The following CCDC90B variants were observed in gnomAD, a reference collection of about 807,000 sequenced individuals.
CCDC90B encodes the protein coiled-coil domain-containing protein 90B, mitochondrial.
A neutral mutation model predicts 37.0 loss-of-function variants in CCDC90B; 24 were observed. The ratio of observed to expected loss-of-function variants is 0.65; its 90% CI spans 0.47 to 0.91. The LOEUF (loss-of-function observed/expected upper bound fraction) is 0.91, where lower values mean the gene tolerates loss of function less well. CCDC90B is among the 40% of genes least tolerant of loss of function. The pLI is 0.00. For synonymous variants in CCDC90B, 113 were observed against 101.1 expected (o/e 1.12, Z -0.71); for missense variants, 319 against 299.0 (o/e 1.07, Z -0.49).
chr11:83,285,807 G>T (rs745591198), intron 1 of CCDC90B, 66 bp downstream of exon 1: 30 of 1,536,438 alleles, frequency 2.0e-5, no homozygotes, highest in Non-Finnish European at 2.6e-5. Context: ...TCGAGCAGGC[G>T]CGACCCCACG....
At chr11:83,269,285 G>A (rs933100070) in intron 7 of CCDC90B, among the ~76,000 whole-genome samples, 1 of 151,950 alleles carries the variant, frequency 6.6e-6, no homozygotes, top group Non-Finnish European at 1.5e-5. Context: ...TCTTTCAGAG[G>A]TAAGAGATAA....
intron 3 of CCDC90B, among the ~76,000 whole-genome samples, chr11:83,276,590 T>A (rs1214925217): frequency 1.3e-5 from 2 of 152,200 alleles, no homozygotes; most frequent in African/African-American, 4.8e-5. Context: ...CCTCAAGTGA[T>A]CTGCTCACCT....
At chr11:83,269,030 A>C (rs1310996535) in intron 7 of CCDC90B, among the ~76,000 whole-genome samples, 2 of 152,248 alleles carry the variant, frequency 1.3e-5, no homozygotes, top group African/African-American at 2.4e-5. Context: ...TACATAACGA[A>C]ATGAAGGCAG....
In CCDC90B at chr11:83,265,947, G is replaced by C. The variant is rs771051673; in HGVS notation, c.627C>G (p.Thr209=). 1.3e-5 allele frequency: 21 copies of C among 1,609,028 alleles called. No homozygotes were observed. The highest frequency in any genetic ancestry group is 1.6e-5 in the Non-Finnish European group (19 of 1,176,008). ...DTQTKSIISE[T]SNKIDAEIAS... Reference sequence around the variant, plus strand: ...CAATTTCAGCGTCAATTTTATTACTGGTCTCTGAAATAATACTTTTGGTTT... The same window carrying C: ...CAATTTCAGCGTCAATTTTATTACTCGTCTCTGAAATAATACTTTTGGTTT... Residue 209 remains threonine (T), a synonymous_variant, in exon 8 of 9, where the codon ACC becomes ACG. Transcript: ENST00000529689.
intron 1 of CCDC90B, 31 bp from the exon 2 acceptor site, chr11:83,280,291 A>G (rs372541981): frequency 6.9e-6 from 11 of 1,593,122 alleles, no homozygotes; most frequent in Admixed American, 1.7e-5. Context: ...TTTCTTTTGT[A>G]GTAACTGATA....
Position 83,279,289 on chromosome 11 carries a change from C to A in CCDC90B, c.221-460G>T, listed in dbSNP as rs570258916. Among the ~76,000 whole-genome samples the A allele has an allele frequency of 2.9e-3, 423 of 143,980 alleles. 3 individuals are homozygous for A. Among genetic ancestry groups the A allele is most frequent in the African/African-American group, 9.9e-3 (391 of 39,322 alleles). 94.5% of individuals were successfully genotyped at this position (143,980 alleles called of 152,430 possible). A position where few individuals can be genotyped will look rare whatever the true frequency, so the allele number is the denominator to read the frequency against. On this transcript the variant is annotated intron_variant, in intron 2 of 8. Coordinates refer to ENST00000529689, the MANE Select transcript of CCDC90B (RefSeq NM_021825.5). ...GAGCGAGACTCTGTCTCAAAAAAAA[C>A]AAAAAAAAAACAAACAAAAAAACAA...
chr11:83,269,115 G>A (rs989412519), intron 7 of CCDC90B, among the ~76,000 whole-genome samples: 5 of 152,220 alleles, frequency 3.3e-5, no homozygotes, highest in Non-Finnish European at 7.3e-5. Context: ...ATTTAAAACA[G>A]TGTGTAGAGG....
At chr11:83,263,928 A>G (rs1864084051) in intron 8 of CCDC90B, among the ~76,000 whole-genome samples, 1 of 152,202 alleles carries the variant, frequency 6.6e-6, no homozygotes, top group African/African-American at 2.4e-5. Flanking sequence ...CCTCAACATC[A>G]GTAGTGACTG....
In CCDC90B at chr11:83,260,372, T is replaced by C. The variant is rs1863873463; in HGVS notation, c.*1539A>G. The C allele has an allele frequency of 6.6e-6, 1 of 152,204 alleles. No homozygotes were observed. The highest frequency in any genetic ancestry group is 2.4e-5 in the African/African-American group (1 of 41,448). 9.4% of individuals were successfully genotyped at this position (152,204 alleles called of 1,614,324 possible). ...TATACTTTGTTACAGTGGACTTTAA[T>C]ATATATGGTAACTTATTAATTGACT... On this transcript the variant is annotated 3_prime_UTR_variant, in exon 9 of 9. Transcript: ENST00000529689.
chr11:83,284,983 A>C (rs1161441948), intron 1 of CCDC90B: 1 of 369,292 alleles, frequency 2.7e-6, no homozygotes, highest in Non-Finnish European at 4.3e-6. Flanking sequence ...GCAATCTCAC[A>C]GATGGAGGAT....
intron 1 of CCDC90B, among the ~76,000 whole-genome samples, chr11:83,281,778 G>GA (rs145415885): frequency 0.25 from 37,655 of 149,406 alleles, 4,832 homozygotes; most frequent in Middle Eastern, 0.4. Flanking sequence ...TTTGGATTTA[G>GA]AAAAAAAAAA....
Position 83,285,979 on chromosome 11 carries a change from A to G in CCDC90B, c.-7T>C, listed in dbSNP as rs762098422. 2.5e-6 allele frequency: 4 copies of G among 1,607,298 alleles called. No homozygotes were observed. ...AAGCCTGGCGACTATTCATGTCCTC[A>G]GAGTTTTCCGGTGGGAGGGAGGCGG... On this transcript the variant is annotated 5_prime_UTR_variant, in exon 1 of 9. Coordinates refer to ENST00000529689, the MANE Select transcript of CCDC90B (RefSeq NM_021825.5).
At chr11:83,285,414 G>C in intron 1 of CCDC90B, 1 of 1,148,894 alleles carries the variant, frequency 8.7e-7, no homozygotes, top group Non-Finnish European at 1.1e-6. Flanking sequence ...GAGAATTCCA[G>C]TGAGAATAAG....
At chr11:83,281,420 TG>T (rs926066631) in intron 1 of CCDC90B, among the ~76,000 whole-genome samples, 39 of 152,316 alleles carry the variant, frequency 2.6e-4, no homozygotes, top group African/African-American at 9.1e-4. Context: ...AAACAGATAT[TG>T]TTTTTTTTAA....
At chr11:83,279,391 G>A (rs1188024438) in intron 2 of CCDC90B, among the ~76,000 whole-genome samples, 1 of 151,124 alleles carries the variant, frequency 6.6e-6, no homozygotes, top group African/African-American at 2.4e-5. Context: ...TTTTGAGTGT[G>A]TAATTGGCAT....
chr11:83,259,177 G>C lies in CCDC90B; in HGVS notation c.*2734C>G, dbSNP rs1157573277. The C allele has an allele frequency of 6.6e-6, 1 of 152,150 alleles. No individual in the cohort carries two copies. Among genetic ancestry groups the C allele is most frequent in the Non-Finnish European group, 1.5e-5 (1 of 68,026 alleles). The allele number at this position is 152,150 out of a possible 1,614,324, so 9.4% of individuals were successfully genotyped here. ...AGGCCTTCTGAGAACTTGTAGTTTA[G>C]TGTAGGAAAAAGATACGTATAATTG... On this transcript the variant is annotated 3_prime_UTR_variant, in exon 9 of 9. Coordinates refer to ENST00000529689, the MANE Select transcript of CCDC90B (RefSeq NM_021825.5).
Position 83,285,345 on chromosome 11 carries a change from C to T in CCDC90B, c.100+528G>A. ...AACAGGGGTGCCAACAGGTTGGAAACTTGTGGGTTCCAGTATTCACTTATT... is the reference window on the plus strand; with the variant it reads ...AACAGGGGTGCCAACAGGTTGGAAATTTGTGGGTTCCAGTATTCACTTATT... On this transcript the variant is annotated intron_variant, in intron 1 of 8. Transcript: ENST00000529689. 5.1e-6 allele frequency: 6 copies of T among 1,182,266 alleles called. No homozygotes were observed. The South Asian group carries it at 9.8e-5, about 19-fold the overall frequency. 73.2% of individuals were successfully genotyped at this position (1,182,266 alleles called of 1,614,324 possible).
chr11:83,281,753 C>G (rs1322056399), intron 1 of CCDC90B, among the ~76,000 whole-genome samples: 1 of 150,640 alleles, frequency 6.6e-6, no homozygotes, highest in African/African-American at 2.4e-5. Flanking sequence ...TTACATATTC[C>G]TGATTAGAAG....
In CCDC90B at chr11:83,286,185, C is replaced by T. The variant is rs1865683669; in HGVS notation, c.-213G>A. On this transcript the variant is annotated 5_prime_UTR_variant, in exon 1 of 9. Coordinates refer to ENST00000529689, the MANE Select transcript of CCDC90B (RefSeq NM_021825.5). ...AGTTCGCGAGCATGGCTCAGCGCTGCCCCGCTTCTCCCAGCGCCCCTTCCC... is the reference window on the plus strand; with the variant it reads ...AGTTCGCGAGCATGGCTCAGCGCTGTCCCGCTTCTCCCAGCGCCCCTTCCC... The T allele has an allele frequency of 6.5e-7, 1 of 1,534,228 alleles. No homozygotes were observed. Among genetic ancestry groups the T allele is most frequent in the Middle Eastern group, 1.7e-4 (1 of 5,840 alleles).
Sources: allele counts gnomAD v4.1 joint callset (sites outside exome capture counted in the v4.1 genomes callset), GRCh38; gene constraint gnomAD v4.1.1; transcripts MANE v1.5; gene names NCBI Gene and HGNC (gene_info 2026-07-23, HGNC 2026-07-21).